The following KCNK9 variants were observed in gnomAD, a reference collection of about 807,000 sequenced individuals.
The protein encoded by KCNK9 is potassium two pore domain channel subfamily K member 9.
A neutral mutation model predicts 10.8 loss-of-function variants in KCNK9; 1 was observed. The observed-to-expected ratio is 0.09, with a 90% CI of 0.03 to 0.44. The LOEUF is 0.44. KCNK9 is among the 20% of genes least tolerant of loss of function. KCNK9 has a pLI of 0.97. For synonymous variants in KCNK9, 231 were observed against 222.7 expected, an observed-to-expected ratio of 1.04 and a Z score of -0.33; for missense variants, 303 against 515.0, an observed-to-expected ratio of 0.59 and a Z score of 3.98.
intron 1 of KCNK9, among the ~76,000 whole-genome samples, chr8:139,681,298 C>T (rs773081471): frequency 2.0e-5 from 3 of 152,150 alleles, no homozygotes; most frequent in Non-Finnish European, 4.4e-5. Context: ...GCTCCTCTCC[C>T]GAGCACACCG....
intron 1 of KCNK9, among the ~76,000 whole-genome samples, chr8:139,676,660 G>A (rs577706861): frequency 3.9e-5 from 6 of 152,280 alleles, no homozygotes; most frequent in East Asian, 1.9e-4. Context: ...CACAAAATAC[G>A]TGAATCATGG....
intron 1 of KCNK9, among the ~76,000 whole-genome samples, chr8:139,671,942 G>T (rs1473912800): frequency 6.6e-6 from 1 of 152,184 alleles, no homozygotes; most frequent in African/African-American, 2.4e-5. Flanking sequence ...TCCTCATGGG[G>T]TCTGCAGTGC....
At chr8:139,607,303 C>T (rs941812501) in intron 2 of KCNK9, among the ~76,000 whole-genome samples, 3 of 152,214 alleles carry the variant, frequency 2.0e-5, no homozygotes, top group Non-Finnish European at 2.9e-5. Context: ...GCATCTTAGT[C>T]CCATGAAGCC....
intron 1 of KCNK9, among the ~76,000 whole-genome samples, chr8:139,653,594 G>T (rs1054526646): frequency 5.9e-5 from 9 of 152,052 alleles, no homozygotes; most frequent in African/African-American, 2.2e-4. Context: ...CCCTGTAGGG[G>T]AGCAGGTCCA....
chr8:139,643,934 G>T (rs1382436826), intron 1 of KCNK9, among the ~76,000 whole-genome samples: 1 of 152,232 alleles, frequency 6.6e-6, no homozygotes, highest in Admixed American at 6.5e-5. Flanking sequence ...CTGGAATCCA[G>T]CTCTCTGGTC....
intron 1 of KCNK9, among the ~76,000 whole-genome samples, chr8:139,652,978 G>C (rs967613322): frequency 6.6e-6 from 1 of 152,202 alleles, no homozygotes. Context: ...TACAAGCATC[G>C]TGTGCAGTGC....
At chr8:139,644,214 G>A (rs1815599894) in intron 1 of KCNK9, among the ~76,000 whole-genome samples, 1 of 152,140 alleles carries the variant, frequency 6.6e-6, no homozygotes, top group South Asian at 2.1e-4. Flanking sequence ...GAGGCAGTGT[G>A]GACATCCAAA....
intron 1 of KCNK9, among the ~76,000 whole-genome samples, chr8:139,626,264 C>T (rs1249871114): frequency 6.6e-6 from 1 of 152,128 alleles, no homozygotes; most frequent in Non-Finnish European, 1.5e-5. Flanking sequence ...CCTTCACAGA[C>T]TTAAAGGGTA....
chr8:139,616,487 A>T (rs1814595150), downstream of KCNK9: 1 of 152,212 alleles, frequency 6.6e-6, no homozygotes, highest in South Asian at 2.1e-4. Context: ...TCAACATGGG[A>T]TGTAGCATTA....
At chr8:139,694,456 G>T (rs1817004941) in intron 1 of KCNK9, among the ~76,000 whole-genome samples, 1 of 152,204 alleles carries the variant, frequency 6.6e-6, no homozygotes, top group African/African-American at 2.4e-5. Context: ...CTGGGATGGG[G>T]CATGAGCCAG....
intron 1 of KCNK9, among the ~76,000 whole-genome samples, chr8:139,624,137 C>T (rs75258817): frequency 2.0e-3 from 298 of 152,310 alleles, no homozygotes; most frequent in African/African-American, 6.5e-3. Context: ...ACACAAGGGA[C>T]GCAGCCAGCC....
At chr8:139,633,444 G>T (rs190538702) in intron 1 of KCNK9, among the ~76,000 whole-genome samples, 5 of 152,308 alleles carry the variant, frequency 3.3e-5, no homozygotes, top group Admixed American at 2.0e-4. Context: ...AGGAACAAAT[G>T]ATTTCAGCCA....
chr8:139,701,041 G>A (rs1340401722), intron 1 of KCNK9, among the ~76,000 whole-genome samples: 1 of 152,134 alleles, frequency 6.6e-6, no homozygotes, highest in Admixed American at 6.5e-5. Context: ...CTTTCCCCAG[G>A]GGTGGCCAGT....
intron 1 of KCNK9, among the ~76,000 whole-genome samples, chr8:139,690,190 C>T (rs1563753135): frequency 6.6e-6 from 1 of 152,110 alleles, no homozygotes; most frequent in African/African-American, 2.4e-5. Flanking sequence ...TCAGACTTCC[C>T]GGGCATAACT....
chr8:139,658,656 A>G lies in KCNK9; in HGVS notation c.284-39557T>C, dbSNP rs145904099. ...AAACAAGAACTGGGTCCTGGATGCT[A>G]TTCTCACAAACCAGATGTGTCCTCA... On this transcript the variant is annotated intron_variant, in intron 1 of 1. Coordinates refer to ENST00000520439, the MANE Select transcript of KCNK9 (RefSeq NM_001282534.2). Among the ~76,000 whole-genome samples the G allele has an allele frequency of 9.4e-3, 1,437 of 152,286 alleles. 19 individuals are homozygous for G. Among genetic ancestry groups the G allele is most frequent in the African/African-American group, 0.031 (1,269 of 41,554 alleles).
In KCNK9 at chr8:139,646,170, C is replaced by T. The variant is rs73724493; in HGVS notation, c.284-27071G>A. Among the ~76,000 whole-genome samples the T allele has an allele frequency of 8.9e-3, 1,349 of 152,324 alleles. 19 individuals are homozygous for T. Among genetic ancestry groups the T allele is most frequent in the African/African-American group, 0.031 (1,308 of 41,564 alleles). ...ACTAGATGTCACCTCCCCAGGAAGC[C>T]CTGCCTGTGAGCAGGAGCCACAAGG... On this transcript the variant is annotated intron_variant, in intron 1 of 1. Coordinates refer to ENST00000520439, the MANE Select transcript of KCNK9 (RefSeq NM_001282534.2).
chr8:139,603,695 C>T (rs1452392221), intron 2 of KCNK9, among the ~76,000 whole-genome samples: 1 of 152,190 alleles, frequency 6.6e-6, no homozygotes, highest in Admixed American at 6.5e-5. Flanking sequence ...CTTGTCCAAC[C>T]TGCTCAGGGT....
downstream of KCNK9, chr8:139,616,606 T>G (rs1814597450): frequency 6.6e-6 from 1 of 152,110 alleles, no homozygotes; most frequent in African/African-American, 2.4e-5. Context: ...CTTTAAGAAA[T>G]CCTGTAGGTC....
At chr8:139,639,668 C>T (rs1044220879) in intron 1 of KCNK9, among the ~76,000 whole-genome samples, 1 of 152,220 alleles carries the variant, frequency 6.6e-6, no homozygotes, top group Non-Finnish European at 1.5e-5. Context: ...AAAGCACATT[C>T]GTGTCAGGAC....
Sources: gnomAD v4.1 joint callset for allele counts (sites outside exome capture counted in the v4.1 genomes callset) on GRCh38, gnomAD v4.1.1 for gene constraint, MANE v1.5 for transcripts, NCBI Gene and HGNC (gene_info 2026-07-23, HGNC 2026-07-21) for gene names.